DOCK3: variants seen among roughly 807,000 people sequenced by gnomAD.
The protein encoded by DOCK3 is dedicator of cytokinesis 3.
A neutral mutation model predicts 265.6 loss-of-function variants in DOCK3; 60 were observed. The ratio of observed to expected loss-of-function variants is 0.23; its 90% CI spans 0.18 to 0.28. DOCK3 has a LOEUF of 0.28. Among genes scored for constraint, DOCK3 ranks in the 10% least tolerant of loss-of-function variants. DOCK3 has a pLI of 1.00. For missense variants in DOCK3, 1,981 were observed against 2,594.3 expected (o/e 0.76, Z 5.14); for synonymous variants, 881 against 938.0 (o/e 0.94, Z 1.11).
At position 50,729,562 on chromosome 3, in the gene DOCK3, G is replaced by T. The variant is rs922722012; in HGVS notation, c.38-49113G>T. ...TATTTTATTTATTTTTTAAGAGAGG[G>T]TCTCATTCTGTTGTCTGGGCAGGAG... On this transcript the variant is annotated intron_variant, in intron 1 of 52. Coordinates refer to ENST00000266037, the MANE Select transcript of DOCK3 (RefSeq NM_004947.5). 3.3e-5 allele frequency among the ~76,000 whole-genome samples: 5 copies of T among 151,914 alleles called. No homozygotes were observed. The East Asian group carries it at 7.8e-4, about 24-fold the overall frequency.
intron 9 of DOCK3, among the ~76,000 whole-genome samples, chr3:51,105,141 T>C (rs558850384): frequency 1.8e-4 from 27 of 152,324 alleles, no homozygotes; most frequent in African/African-American, 6.0e-4. Flanking sequence ...GATGTTGTTA[T>C]AGTATGAATG....
At chr3:50,888,087 A>G (rs2048435116) in intron 3 of DOCK3, among the ~76,000 whole-genome samples, 1 of 152,190 alleles carries the variant, frequency 6.6e-6, no homozygotes, top group Admixed American at 6.5e-5. Context: ...TTTGCAGATG[A>G]CATGATTGTA....
intron 5 of DOCK3, among the ~76,000 whole-genome samples, chr3:51,059,080 C>G (rs2081306487): frequency 6.6e-6 from 1 of 152,068 alleles, no homozygotes; most frequent in South Asian, 2.1e-4. Context: ...GTACTTCACC[C>G]TGTCTTCACC....
chr3:51,281,735 A>G (rs949265655), intron 27 of DOCK3, among the ~76,000 whole-genome samples: 7 of 152,124 alleles, frequency 4.6e-5, no homozygotes, highest in Admixed American at 3.3e-4. Flanking sequence ...TACAAACTCT[A>G]TGTATAGGCA....
intron 1 of DOCK3, among the ~76,000 whole-genome samples, chr3:50,718,771 A>ATTT (rs373965842): frequency 9.1e-5 from 7 of 76,966 alleles, no homozygotes; most frequent in Non-Finnish European, 1.5e-4. Flanking sequence ...TTGTGGGTTG[A>ATTT]TTTTTTTTTT....
At chr3:51,311,041 T>C (rs898844992) in intron 28 of DOCK3, among the ~76,000 whole-genome samples, 1 of 152,254 alleles carries the variant, frequency 6.6e-6, no homozygotes, top group Non-Finnish European at 1.5e-5. Context: ...TTTTCCAAAA[T>C]ACAAATGTTT....
At chr3:51,248,534 G>A (rs1168595035) in intron 22 of DOCK3, among the ~76,000 whole-genome samples, 2 of 152,092 alleles carry the variant, frequency 1.3e-5, no homozygotes, top group Non-Finnish European at 2.9e-5. Context: ...GCGTGATCTC[G>A]GCTCGCTACA....
chr3:50,966,881 T>C (rs1436119899), intron 5 of DOCK3, among the ~76,000 whole-genome samples: 1 of 152,088 alleles, frequency 6.6e-6, no homozygotes, highest in African/African-American at 2.4e-5. Flanking sequence ...GAATCAAACA[T>C]TTATAATGCC....
intron 12 of DOCK3, among the ~76,000 whole-genome samples, chr3:51,164,540 C>T (rs980533432): frequency 1.1e-4 from 16 of 148,186 alleles, no homozygotes; most frequent in African/African-American, 4.0e-4. Flanking sequence ...AGGAGAATGG[C>T]GTGAACCCGG....
chr3:50,819,344 A>G (rs909507716), intron 2 of DOCK3, among the ~76,000 whole-genome samples: 4 of 152,188 alleles, frequency 2.6e-5, no homozygotes, highest in Admixed American at 6.5e-5. Flanking sequence ...CTTCTGTAAG[A>G]ACATTTCTAC....
chr3:51,150,440 T>A (rs1244458133), intron 10 of DOCK3, among the ~76,000 whole-genome samples: 1 of 152,214 alleles, frequency 6.6e-6, no homozygotes, highest in African/African-American at 2.4e-5. Flanking sequence ...GGGTGTCAAT[T>A]TTAGATCTTT....
At chr3:51,039,128 T>C (rs2080383350) in intron 5 of DOCK3, among the ~76,000 whole-genome samples, 1 of 152,024 alleles carries the variant, frequency 6.6e-6, no homozygotes. Flanking sequence ...CCTGAGTATC[T>C]GGGACTACAG....
At chr3:51,336,008 A>G (rs183151484) in intron 35 of DOCK3, among the ~76,000 whole-genome samples, 2 of 150,798 alleles carry the variant, frequency 1.3e-5, no homozygotes, top group African/African-American at 4.9e-5. Context: ...AAAAAAAAAG[A>G]AAAGAAAAGA....
intron 9 of DOCK3, among the ~76,000 whole-genome samples, chr3:51,122,882 C>G (rs548152421): frequency 4.6e-4 from 70 of 152,334 alleles, no homozygotes; most frequent in Non-Finnish European, 8.8e-4. Flanking sequence ...TTGATACTCT[C>G]TCCTTAGAAG....
intron 3 of DOCK3, among the ~76,000 whole-genome samples, chr3:50,886,159 C>T (rs1180183793): frequency 2.1e-5 from 3 of 144,410 alleles, no homozygotes; most frequent in Non-Finnish European, 4.6e-5. Context: ...TTCTTCTTTC[C>T]GCCTTTCAGA....
At chr3:51,258,300 A>G (rs549173319) in intron 22 of DOCK3, among the ~76,000 whole-genome samples, 2 of 152,338 alleles carry the variant, frequency 1.3e-5, no homozygotes, top group Admixed American at 1.3e-4. Flanking sequence ...CCACTTCTCA[A>G]AAAAAACTCA....
intron 33 of DOCK3, among the ~76,000 whole-genome samples, chr3:51,330,512 G>C (rs543440515): frequency 7.9e-5 from 12 of 152,310 alleles, no homozygotes; most frequent in African/African-American, 2.9e-4. Flanking sequence ...GCATCTGGAT[G>C]GGGGGCAGAC....
intron 52 of DOCK3, among the ~76,000 whole-genome samples, chr3:51,380,788 GCCTGGGA>G (rs2088568031): frequency 6.6e-6 from 1 of 152,156 alleles, no homozygotes; most frequent in Admixed American, 6.5e-5. Flanking sequence ...ACCGACGGCA[GCCTGGGA>G]CCTGGGACCA....
chr3:51,375,759 C>G lies in DOCK3; in HGVS notation c.5424C>G (p.Phe1808Leu). 6.2e-7 allele frequency: 1 copy of G among 1,613,990 alleles called. No homozygotes were observed. Among genetic ancestry groups the G allele is most frequent in the Non-Finnish European group, 8.5e-7 (1 of 1,179,888 alleles). Residue 1808 changes from phenylalanine to leucine, a missense_variant, in exon 51 of 53, where the codon TTC becomes TTG. This residue lies in a region of DOCK3 where 1,357 missense variants were observed against 1,866.8 expected (regional missense o/e 0.73). Coordinates refer to ENST00000266037, the MANE Select transcript of DOCK3 (RefSeq NM_004947.5). ...AILENGQPPN[F>L]QRALFQQVVG... Reference sequence around the variant, plus strand: ...TCTCCTTCCTTCAGCCGCCGAATTTCCAGCGAGCCCTGTTCCAGCAAGTGG... The same window carrying G: ...TCTCCTTCCTTCAGCCGCCGAATTTGCAGCGAGCCCTGTTCCAGCAAGTGG...
Sources: allele counts gnomAD v4.1 joint callset (sites outside exome capture counted in the v4.1 genomes callset), GRCh38; gene constraint gnomAD v4.1.1; regional missense constraint gnomAD v4.1.1; transcripts MANE v1.5; gene names NCBI Gene and HGNC (gene_info 2026-07-23, HGNC 2026-07-21).